DRC7: variants seen among roughly 807,000 people sequenced by gnomAD.
DRC7 encodes the protein coiled-coil domain containing 135.
Under a neutral mutation model 104.4 loss-of-function variants are expected in DRC7, and 80 were observed. That is an observed-to-expected ratio of 0.77 (90% CI 0.64 to 0.92). DRC7 has a LOEUF of 0.92. Ranked by LOEUF, DRC7 falls within the 40% of genes least tolerant of loss-of-function variation. The probability of loss-of-function intolerance (pLI) is 0.00; values close to 1 mark genes in which losing one functional copy is unlikely to be tolerated. For missense variants in DRC7, 1,034 were observed against 1,141.1 expected, an observed-to-expected ratio of 0.91 and a Z score of 1.35; for synonymous variants, 405 against 447.3, an observed-to-expected ratio of 0.91 and a Z score of 1.19.
rs1418030651 is a variant in DRC7 at position 57,698,114 on chromosome 16, G to A, written c.165G>A (p.Lys55=). ...AGACGCTCAGAGACCTGGAGAAGAA[G>A]CTGTCAGAGATCCAGATCACTGTCT... ...KQETLRDLEK[K]LSEIQITVSA... The change falls in exon 3 of 19, where the codon AAG becomes AAA. Residue 55 remains lysine, a synonymous_variant. Coordinates refer to ENST00000360716, the MANE Select transcript of DRC7 (RefSeq NM_001289162.2). 31 of 1,614,066 alleles carry A rather than the reference G, an allele frequency of 1.9e-5. No individual in the cohort carries two copies. Among genetic ancestry groups the A allele is most frequent in the Non-Finnish European group, 2.5e-5 (29 of 1,180,040 alleles).
Position 57,728,473 on chromosome 16 carries a change from A to G in DRC7, c.2280A>G (p.Pro760=). 3 of 1,612,494 alleles carry G rather than the reference A, an allele frequency of 1.9e-6. No individual in the cohort carries two copies. Among genetic ancestry groups the G allele is most frequent in the East Asian group, 2.2e-5 (1 of 44,862 alleles). Residue 760 remains proline (P), a synonymous_variant, in exon 17 of 19, where the codon CCA becomes CCG. Coordinates refer to ENST00000360716, the MANE Select transcript of DRC7 (RefSeq NM_001289162.2). ...CCCCATTCCTGGCCCAGCTCCCGCC[A>G]GGAGAGAAACTAACATGCTGGCAGG... The part of the protein sequence containing the change: ...YLAPFLAQLP[P]GEKLTCWQAV...
At chr16:57,718,148 G>A (rs1216458533) in intron 8 of DRC7, among the ~76,000 whole-genome samples, 199 bp from the exon 9 acceptor site, 2 of 152,160 alleles carry the variant, frequency 1.3e-5, no homozygotes, top group African/African-American at 2.4e-5. Flanking sequence ...GCTCCCCCTC[G>A]GGGCCTCAGT....
chr16:57,722,596 G>T, intron 10 of DRC7, 117 bp from the exon 11 acceptor site: 1 of 1,392,728 alleles, frequency 7.2e-7, no homozygotes, highest in Non-Finnish European at 9.8e-7. Flanking sequence ...ATCAGGCTTG[G>T]GGCTGGAGGA....
At position 57,726,141 on chromosome 16, in the gene DRC7, T is replaced by C. The variant is rs1230374430; in HGVS notation, c.1832T>C (p.Val611Ala). ...EEDVAERVFLVAEERIQLRYH... is the reference protein window; with the variant it reads ...EEDVAERVFLAAEERIQLRYH... ...GACGTGGCAGAGCGCGTGTTTCTGG[T>C]CGCGGAGGAGCGCATCCAGCTGCGC... The change falls in exon 14 of 19, where the codon GTC (valine) becomes GCC (alanine). Residue 611 changes from valine (V) to alanine (A), a missense_variant. Coordinates refer to ENST00000360716, the MANE Select transcript of DRC7 (RefSeq NM_001289162.2). The C allele has an allele frequency of 1.2e-6, 2 of 1,613,130 alleles. No homozygotes were observed. The highest frequency in any genetic ancestry group is 1.7e-6 in the Non-Finnish European group (2 of 1,180,024).
intron 8 of DRC7, 47 bp from the exon 9 acceptor site, chr16:57,718,300 G>A (rs748804690): frequency 9.4e-6 from 15 of 1,601,536 alleles, no homozygotes; most frequent in South Asian, 3.4e-5. Context: ...AGGTGGGGAC[G>A]TGGTGGCTGT....
chr16:57,704,929 C>G lies in DRC7; in HGVS notation c.753C>G (p.Pro251=), dbSNP rs144432014. ...VLPKKYTIKP[P]RDLCSRFEQE... Reference sequence around the variant, plus strand: ...CTAAGAAGTATACCATCAAACCCCCCAGGGACCTGTGCAGCAGGTTTGAGC... The same window carrying G: ...CTAAGAAGTATACCATCAAACCCCCGAGGGACCTGTGCAGCAGGTTTGAGC... The change falls in exon 7 of 19, where the codon CCC becomes CCG. Residue 251 remains proline, a synonymous_variant. Transcript: ENST00000360716. 3 of 1,613,742 alleles carry G rather than the reference C, an allele frequency of 1.9e-6. No homozygotes were observed. Among genetic ancestry groups the G allele is most frequent in the East Asian group, 2.2e-5 (1 of 44,890 alleles).
At chr16:57,727,861 G>A (rs949134583) in intron 16 of DRC7, among the ~76,000 whole-genome samples, 4 of 152,230 alleles carry the variant, frequency 2.6e-5, no homozygotes, top group South Asian at 2.1e-4. Flanking sequence ...CAACCAAGTT[G>A]AGATTTTAGT....
At position 57,702,050 on chromosome 16, in the gene DRC7, G is replaced by T. The variant is rs112237218; in HGVS notation, c.619G>T (p.Val207Phe). ...LIGSGYDAYC[V>F]NGYGSLDLCH... The stretch of plus-strand genomic sequence containing the variant: ...CGGCTCTGGCTATGATGCTTACTGC[G>T]TCAACGGCTACGGCTCGCTGGACCT... The change falls in exon 6 of 19, where the codon GTC (valine) becomes TTC (phenylalanine). Residue 207 changes from valine (V) to phenylalanine (F), a missense_variant. Val to Phe is a conservative substitution (Grantham distance 50). Transcript: ENST00000360716. The T allele has an allele frequency of 2.5e-6, 4 of 1,614,194 alleles. No individual in the cohort carries two copies. In the South Asian group the frequency reaches 4.4e-5, roughly 18 times the overall value.
chr16:57,714,810 AC>A (rs1427879872), intron 8 of DRC7: 22 of 357,944 alleles, frequency 6.1e-5, no homozygotes, highest in Non-Finnish European at 1.1e-4. Context: ...TTGCTGGTGG[AC>A]CCCCTTCTTC....
chr16:57,726,426 A>G (rs2048966471), intron 14 of DRC7, 143 bp downstream of exon 14: 4 of 712,758 alleles, frequency 5.6e-6, no homozygotes, highest in Non-Finnish European at 9.4e-6. Flanking sequence ...GGGAAAACCA[A>G]AAGTTCCCAT....
At chr16:57,702,289 A>G (rs1410463789) in intron 6 of DRC7, among the ~76,000 whole-genome samples, 159 bp downstream of exon 6, 1 of 152,074 alleles carries the variant, frequency 6.6e-6, no homozygotes, top group African/African-American at 2.4e-5. Flanking sequence ...CCTGGAGTTC[A>G]TATTTCAAAC....
At chr16:57,704,524 G>T (rs1305082282) in intron 6 of DRC7, among the ~76,000 whole-genome samples, 2 of 152,152 alleles carry the variant, frequency 1.3e-5, no homozygotes, top group Non-Finnish European at 2.9e-5. Flanking sequence ...TCAGACCCAG[G>T]TCATGGCTAG....
At chr16:57,710,955 T>C (rs1194522856) in intron 8 of DRC7, among the ~76,000 whole-genome samples, 3 of 152,228 alleles carry the variant, frequency 2.0e-5, no homozygotes, top group Non-Finnish European at 2.9e-5. Flanking sequence ...TCTTAGAATA[T>C]ATTTGCCAGG....
Position 57,731,517 on chromosome 16 carries a change from C to CT in DRC7, c.*260dup. 1.9e-6 allele frequency: 1 copy of CT among 526,752 alleles called. No homozygotes were observed. The highest frequency in any genetic ancestry group is 3.4e-6 in the Non-Finnish European group (1 of 294,022). 32.6% of individuals were successfully genotyped at this position (526,752 alleles called of 1,614,324 possible). A position where few individuals can be genotyped will look rare whatever the true frequency, so the allele number is the denominator to read the frequency against. On this transcript the variant is annotated 3_prime_UTR_variant, in exon 19 of 19. Coordinates refer to ENST00000360716, the MANE Select transcript of DRC7 (RefSeq NM_001289162.2). ...TTTCTCTTCTTCTGTTATCTATAGC[C>CT]TGGGACCACCCCCTTCCTCCCCTTG...
intron 7 of DRC7, among the ~76,000 whole-genome samples, chr16:57,706,043 TCCTCCCATCCATCCATCCTCCCATTTTG>T (rs2048720086): frequency 8.4e-6 from 1 of 119,564 alleles, no homozygotes; most frequent in Admixed American, 8.2e-5. Flanking sequence ...CATCCACCCA[TCCTCCCATCCATCCATCCTCCCATTTTG>T]CCTCCCATCC....
At chr16:57,702,489 C>T (rs1157015573) in intron 6 of DRC7, among the ~76,000 whole-genome samples, 2 of 152,166 alleles carry the variant, frequency 1.3e-5, no homozygotes, top group Non-Finnish European at 2.9e-5. Flanking sequence ...GATAAAAATC[C>T]AGCCAGCCAT....
chr16:57,726,099 C>T lies in DRC7; in HGVS notation c.1790C>T (p.Ala597Val), dbSNP rs1279424490. 1.2e-6 allele frequency: 2 copies of T among 1,613,324 alleles called. No homozygotes were observed. Among genetic ancestry groups the T allele is most frequent in the Middle Eastern group, 1.7e-4 (1 of 6,056 alleles). ...ACAGAGCGGTTCTTCCGCAACCCAG[C>T]GAAGCCCGCGGAGGAGGACGTGGCA... The part of the protein sequence containing the change: ...KITERFFRNP[A>V]KPAEEDVAER... Residue 597 changes from alanine (A) to valine (V), a missense_variant, in exon 14 of 19, where the codon GCG becomes GTG. Physicochemically the swap from Ala to Val is moderately conservative, Grantham distance 64. Coordinates refer to ENST00000360716, the MANE Select transcript of DRC7 (RefSeq NM_001289162.2).
At chr16:57,721,551 G>A (rs1021036516) in intron 9 of DRC7, 116 bp from the exon 10 acceptor site, 39 of 730,904 alleles carry the variant, frequency 5.3e-5, no homozygotes, top group African/African-American at 1.1e-4. Flanking sequence ...GTTCCCCTGC[G>A]GAAGCCAACG....
chr16:57,724,652 T>C lies in DRC7; in HGVS notation c.1575T>C (p.Arg525=). ...AGTCCATGCAACCTGAGATGGACCG[T>C]GTCATTGAGTTTTATGAAACGGCCC... ...SYKSMQPEMD[R]VIEFYETARV... The change falls in exon 13 of 19, where the codon CGT becomes CGC. Residue 525 remains arginine, a synonymous_variant. Transcript: ENST00000360716. 1 of 1,613,742 alleles carries C rather than the reference T, an allele frequency of 6.2e-7. No homozygotes were observed. The highest frequency in any genetic ancestry group is 8.5e-7 in the Non-Finnish European group (1 of 1,179,908).
Sources: gnomAD v4.1 joint callset for allele counts (sites outside exome capture counted in the v4.1 genomes callset) on GRCh38, gnomAD v4.1.1 for gene constraint, MANE v1.5 for transcripts, NCBI Gene and HGNC (gene_info 2026-07-23, HGNC 2026-07-21) for gene names.